The following EYS variants were observed in gnomAD, a reference collection of about 807,000 sequenced individuals.
EYS encodes the protein protein eyes shut homolog.
EYS carries 250 observed loss-of-function variants against 282.1 expected under a neutral mutation model. That is an observed-to-expected ratio of 0.89 (90% CI 0.80 to 0.98). The LOEUF is 0.98. Ranked by LOEUF, EYS falls within the 50% of genes least tolerant of loss-of-function variation. EYS has a pLI of 0.00. For synonymous variants in EYS, 1,355 were observed against 1,282.9 expected (o/e 1.06, Z -1.20); for missense variants, 4,016 against 3,709.0 (o/e 1.08, Z -2.15).
intron 2 of EYS, among the ~76,000 whole-genome samples, chr6:65,539,270 T>C (rs973668917): frequency 6.6e-6 from 1 of 152,184 alleles, no homozygotes. Context: ...CTCAGAAACA[T>C]TTTTGGAAAT....
At chr6:64,724,961 T>C (rs1375983543) in intron 22 of EYS, among the ~76,000 whole-genome samples, 1 of 152,016 alleles carries the variant, frequency 6.6e-6, no homozygotes, top group Non-Finnish European at 1.5e-5. Flanking sequence ...ATTTCAACTC[T>C]AGAAACTTAA....
intron 19 of EYS, among the ~76,000 whole-genome samples, chr6:64,885,204 T>C (rs1311380311): frequency 6.6e-6 from 1 of 151,722 alleles, no homozygotes; most frequent in Non-Finnish European, 1.5e-5. Context: ...AGTTTTCTTT[T>C]ACTTGTAGCT....
intron 40 of EYS, among the ~76,000 whole-genome samples, chr6:63,776,840 A>G (rs887165730): frequency 6.6e-6 from 1 of 152,152 alleles, no homozygotes. Context: ...TTATTATCAC[A>G]TAAAAAAACC....
At chr6:64,394,247 C>G (rs1338087465) in intron 28 of EYS, among the ~76,000 whole-genome samples, 1 of 152,106 alleles carries the variant, frequency 6.6e-6, no homozygotes, top group Non-Finnish European at 1.5e-5. Flanking sequence ...CATCAAGCTA[C>G]CAATGCCTTT....
rs545859776 is a variant in EYS at position 64,321,923 on chromosome 6, A to G, written c.6079-14841T>C. Among the ~76,000 whole-genome samples, 4 of 152,108 alleles carry G rather than the reference A, an allele frequency of 2.6e-5. No individual in the cohort carries two copies. The South Asian group carries it at 8.3e-4, about 32-fold the overall frequency. ...GTTCACAAAATTTGGTGATACTTAA[A>G]TCAATTTTATTTTACTTTGATCTAT... On this transcript the variant is annotated intron_variant, in intron 29 of 42. Coordinates refer to ENST00000503581, the MANE Select transcript of EYS (RefSeq NM_001142800.2).
At chr6:64,733,686 G>C (rs1772057264) in intron 22 of EYS, 2 of 157,884 alleles carry the variant, frequency 1.3e-5, no homozygotes, top group African/African-American at 4.9e-5. Flanking sequence ...GGTCTCCATG[G>C]CACCCAAGAG....
At position 64,156,872 on chromosome 6, in the gene EYS, T is replaced by TTTA. The variant is rs202149138; in HGVS notation, c.6424+73719_6424+73720insTAA. Reference sequence around the variant, plus strand: ...TGTTAAAGGCATTCAGTTTTTTTTTTAATTTTTAATTTTTAATTAATTTAT... The same window carrying TTTA: ...TGTTAAAGGCATTCAGTTTTTTTTTTTTAAATTTTTAATTTTTAATTAATTTAT... On this transcript the variant is annotated intron_variant, in intron 31 of 42. Coordinates refer to ENST00000503581, the MANE Select transcript of EYS (RefSeq NM_001142800.2). 9.7e-3 allele frequency among the ~76,000 whole-genome samples: 1,456 copies of TTTA among 150,706 alleles called. 18 individuals carry two copies. The highest frequency in any genetic ancestry group is 0.034 in the African/African-American group (1,365 of 40,262).
chr6:64,165,441 T>C (rs1764261148), intron 31 of EYS, among the ~76,000 whole-genome samples: 1 of 152,134 alleles, frequency 6.6e-6, no homozygotes, highest in South Asian at 2.1e-4. Context: ...CTTAAAATTA[T>C]GTATACTAAA....
At chr6:64,526,113 T>C (rs1223148522) in intron 26 of EYS, among the ~76,000 whole-genome samples, 2 of 151,896 alleles carry the variant, frequency 1.3e-5, no homozygotes, top group Non-Finnish European at 2.9e-5. Context: ...TAATTCCATT[T>C]ATATACTGTT....
At chr6:64,050,857 G>A (rs1770787143) in intron 33 of EYS, among the ~76,000 whole-genome samples, 1 of 152,138 alleles carries the variant, frequency 6.6e-6, no homozygotes, top group South Asian at 2.1e-4. Flanking sequence ...AATAATTTAA[G>A]GCAGTTTATG....
chr6:63,771,987 T>C (rs1669808541), intron 40 of EYS, among the ~76,000 whole-genome samples: 1 of 152,100 alleles, frequency 6.6e-6, no homozygotes, highest in South Asian at 2.1e-4. Context: ...ATATCTAGGC[T>C]TATGTATTTT....
intron 35 of EYS, among the ~76,000 whole-genome samples, chr6:63,963,333 G>A (rs1032988214): frequency 2.6e-5 from 4 of 151,928 alleles, no homozygotes; most frequent in Admixed American, 6.6e-5. Flanking sequence ...AAAGTCATAT[G>A]AACTCTTTAA....
chr6:64,796,163 TTACA>T (rs1403858617), intron 22 of EYS, among the ~76,000 whole-genome samples: 1 of 152,202 alleles, frequency 6.6e-6, no homozygotes, highest in African/African-American at 2.4e-5. Context: ...TATATCCAAC[TTACA>T]TAATTATTTA....
chr6:64,932,723 A>AAC (rs892075126), intron 15 of EYS, among the ~76,000 whole-genome samples: 192 of 152,102 alleles, frequency 1.3e-3, no homozygotes, highest in African/African-American at 4.2e-3. Flanking sequence ...GACATGTCTC[A>AAC]ACACACACAC....
At chr6:65,030,087 A>C (rs555994369) in intron 13 of EYS, among the ~76,000 whole-genome samples, 1 of 152,304 alleles carries the variant, frequency 6.6e-6, no homozygotes, top group African/African-American at 2.4e-5. Flanking sequence ...GCTGGAGAAC[A>C]GCTAGGGATG....
At chr6:63,883,884 T>C (rs775711706) in intron 35 of EYS, among the ~76,000 whole-genome samples, 1 of 152,234 alleles carries the variant, frequency 6.6e-6, no homozygotes, top group Non-Finnish European at 1.5e-5. Context: ...TGTTATTTCC[T>C]GAGAAGAGCC....
At chr6:64,694,167 A>C (rs1043481810) in intron 22 of EYS, among the ~76,000 whole-genome samples, 5 of 152,210 alleles carry the variant, frequency 3.3e-5, no homozygotes, top group African/African-American at 1.2e-4. Context: ...TTTTTCCCCA[A>C]GATGGTGGAA....
chr6:64,441,268 A>G (rs1774935797), intron 26 of EYS, among the ~76,000 whole-genome samples: 1 of 152,202 alleles, frequency 6.6e-6, no homozygotes. Context: ...AGCCAACACT[A>G]TTGACATCTC....
chr6:64,937,913 TA>T (rs1768962944), intron 15 of EYS, among the ~76,000 whole-genome samples: 1 of 151,694 alleles, frequency 6.6e-6, no homozygotes, highest in Non-Finnish European at 1.5e-5. Context: ...AAATTTGCTG[TA>T]ACTTTATGAT....
Sources: allele counts gnomAD v4.1 joint callset (sites outside exome capture counted in the v4.1 genomes callset), GRCh38; gene constraint gnomAD v4.1.1; transcripts MANE v1.5; gene names NCBI Gene and HGNC (gene_info 2026-07-23, HGNC 2026-07-21).